The following PPP1R14A variants were observed in gnomAD, a reference collection of about 807,000 sequenced individuals.
The protein encoded by PPP1R14A is protein phosphatase 1 regulatory subunit 14A.
PPP1R14A carries 9 observed loss-of-function variants against 14.1 expected under a neutral mutation model. That is an observed-to-expected ratio of 0.64 (90% CI 0.38 to 1.11). The LOEUF is 1.11. Ranked by LOEUF, PPP1R14A falls within the 50% of genes most tolerant of loss-of-function variation. The pLI is 0.01. For synonymous variants in PPP1R14A, 93 were observed against 88.7 expected (o/e 1.05, Z -0.27); for missense variants, 208 against 200.7 (o/e 1.04, Z -0.22).
rs551172545 is a variant in PPP1R14A, at chr19:38,256,257, C to G, written c.83G>C (p.Gly28Ala). The G allele has an allele frequency of 6.6e-5, 102 of 1,548,200 alleles. No individual in the cohort carries two copies. The East Asian group carries it at 2.4e-3, about 36-fold the overall frequency. Residue 28 changes from glycine (G) to alanine (A), a missense_variant, in exon 1 of 4, where the codon GGG becomes GCG. Gly to Ala is a moderately conservative substitution (Grantham distance 60). Transcript: ENST00000301242. The surrounding 1 kb of genome is among the most constrained non-coding windows in gnomAD (Gnocchi z 5.7). The stretch of plus-strand genomic sequence containing the variant: ...GCGCGCGTGCCGCTTCTGCAGCCCC[C>G]CGGGACTGCCCCCTGGCCCGCGGGC... ...SRARGPGGSP[G>A]GLQKRHARVT...
intron 1 of PPP1R14A, among the ~76,000 whole-genome samples, chr19:38,254,461 T>C (rs546270137): frequency 2.1e-4 from 32 of 151,820 alleles, no homozygotes; most frequent in African/African-American, 7.7e-4. Flanking sequence ...CCTGCCACCA[T>C]GCCCGGCTAA....
chr19:38,251,790 T>C, intron 3 of PPP1R14A: 1 of 372,838 alleles, frequency 2.7e-6, no homozygotes, highest in East Asian at 4.7e-5. Flanking sequence ...AACAGAGACA[T>C]GTGGAGACAG....
At position 38,256,204 on chromosome 19, in the gene PPP1R14A, G is replaced by GC; in HGVS notation, c.135dup (p.Leu46AlafsTer29). ...TTCTCCACGTCCAGCCGCCGCTGCA[G>GC]CTCCCGCCGGTCATACTTGACGGTG... is the stretch of plus-strand genomic sequence containing the variant. On this transcript the variant is annotated frameshift_variant, in exon 1 of 4. Transcript: ENST00000301242. LOFTEE classifies it high-confidence loss of function. This position sits in a 1 kb window ranked among gnomAD's most constrained non-coding sequence, Gnocchi z 5.7. The GC allele has an allele frequency of 6.5e-7, 1 of 1,549,586 alleles. No individual in the cohort carries two copies. Among genetic ancestry groups the GC allele is most frequent in the Non-Finnish European group, 8.7e-7 (1 of 1,151,376 alleles).
Position 38,256,235 on chromosome 19 carries a change from C to G in PPP1R14A, c.105G>C (p.Ala35=). The G allele has an allele frequency of 3.2e-6, 5 of 1,552,208 alleles. No individual in the cohort carries two copies. Among genetic ancestry groups the G allele is most frequent in the Non-Finnish European group, 3.5e-6 (4 of 1,153,398 alleles). The change falls in exon 1 of 4, where the codon GCG becomes GCC. Residue 35 remains alanine (A), a synonymous_variant. Transcript: ENST00000301242. The surrounding 1 kb of genome is among the most constrained non-coding windows in gnomAD (Gnocchi z 5.7). ...GSPGGLQKRH[A]RVTVKYDRRE... ...GCCGGTCATACTTGACGGTGACGCG[C>G]GCGTGCCGCTTCTGCAGCCCCCCGG...
At chr19:38,251,527 G>T in intron 3 of PPP1R14A, 81 bp from the exon 4 acceptor site, 1 of 1,381,818 alleles carries the variant, frequency 7.2e-7, no homozygotes, top group Non-Finnish European at 9.5e-7. Flanking sequence ...TCCCTGACCT[G>T]GGCGCCTCCT....
Position 38,252,992 on chromosome 19 carries a change from G to T in PPP1R14A, c.202-18C>A, listed in dbSNP as rs1968207032. On this transcript the variant is annotated intron_variant, in intron 1 of 3. Transcript: ENST00000301242. The surrounding 1 kb of genome is among the most constrained non-coding windows in gnomAD (Gnocchi z 4.1). ...TCTGCCTCCTAGGGCCAGGGAGGGA[G>T]GGGTGCTTAGGATCCCCTTCCCTCC... is the stretch of plus-strand genomic sequence containing the variant. The T allele has an allele frequency of 6.3e-7, 1 of 1,593,034 alleles. No individual in the cohort carries two copies. The highest frequency in any genetic ancestry group is 1.3e-5 in the African/African-American group (1 of 74,506).
In PPP1R14A at chr19:38,252,889, C is replaced by A. The variant is rs749717320; in HGVS notation, c.282+5G>T. 5.0e-6 allele frequency: 8 copies of A among 1,610,660 alleles called. No individual in the cohort carries two copies. In the Admixed American group the frequency reaches 1.0e-4, roughly 20 times the overall value. On this transcript the variant is annotated splice_donor_5th_base_variant and intron_variant, in intron 2 of 3. Coordinates refer to ENST00000301242, the MANE Select transcript of PPP1R14A (RefSeq NM_033256.3). This position sits in a 1 kb window ranked among gnomAD's most constrained non-coding sequence, Gnocchi z 4.1. The stretch of plus-strand genomic sequence containing the variant: ...GGAGGCTGGGGGACACGTCCCCCCA[C>A]CTACCTGGATTTTCCGGCTTCTCTC...
At chr19:38,253,039 C>G (rs1428995885) in intron 1 of PPP1R14A, 65 bp from the exon 2 acceptor site, 1 of 1,346,376 alleles carries the variant, frequency 7.4e-7, no homozygotes, top group African/African-American at 1.4e-5. Context: ...TTGTCCAGGG[C>G]TCTGCAGGAG....
intron 3 of PPP1R14A, 127 bp from the exon 4 acceptor site, chr19:38,251,573 G>A (rs747102535): frequency 3.1e-6 from 2 of 648,226 alleles, no homozygotes; most frequent in Non-Finnish European, 5.0e-6. Flanking sequence ...GGAGTTAGGG[G>A]CGGAGGCTAT....
At chr19:38,253,145 G>A (rs1968209552) in intron 1 of PPP1R14A, 171 bp from the exon 2 acceptor site, 2 of 601,716 alleles carry the variant, frequency 3.3e-6, no homozygotes, top group Non-Finnish European at 3.0e-6. Flanking sequence ...GTGTTGGGGG[G>A]GAGGGGTGAC....
intron 3 of PPP1R14A, chr19:38,251,842 G>A (rs1328064351): frequency 5.9e-6 from 2 of 338,254 alleles, no homozygotes; most frequent in South Asian, 1.3e-4. Context: ...ATGCAATGAC[G>A]TTTGTCCCTA....
intron 1 of PPP1R14A, chr19:38,253,235 C>T (rs977442809): frequency 2.0e-5 from 9 of 450,128 alleles, no homozygotes; most frequent in Admixed American, 1.2e-4. Flanking sequence ...GGGGCTGGCA[C>T]GGGTCTCTCG....
Position 38,252,208 on chromosome 19 carries a change from G to A in PPP1R14A, c.315+98C>T, listed in dbSNP as rs779675770. ...TTGGGGCCGGGGGTGGTGGGGCCGG[G>A]TGGTGTTCCCCAGAGACCCTTCTGC... On this transcript the variant is annotated intron_variant, in intron 3 of 3. Transcript: ENST00000301242. The surrounding 1 kb of genome is among the most constrained non-coding windows in gnomAD (Gnocchi z 4.1). 1 of 1,217,680 alleles carries A rather than the reference G, an allele frequency of 8.2e-7. No individual in the cohort carries two copies. The highest frequency in any genetic ancestry group is 1.3e-5 in the South Asian group (1 of 77,074). 75.4% of individuals were successfully genotyped at this position (1,217,680 alleles called of 1,614,324 possible).
Position 38,252,881 on chromosome 19 carries a change from TC to T in PPP1R14A, c.282+12del, listed in dbSNP as rs752408410. Reference sequence around the variant, plus strand: ...GCAAAGTGGGAGGCTGGGGGACACGTCCCCCCACCTACCTGGATTTTCCGGC... The same window carrying T: ...GCAAAGTGGGAGGCTGGGGGACACGTCCCCCACCTACCTGGATTTTCCGGC... On this transcript the variant is annotated intron_variant, in intron 2 of 3. Transcript: ENST00000301242. This position sits in a 1 kb window ranked among gnomAD's most constrained non-coding sequence, Gnocchi z 4.1. 3 of 1,590,856 alleles carry T rather than the reference TC, an allele frequency of 1.9e-6. No individual in the cohort carries two copies. The highest frequency in any genetic ancestry group is 2.6e-6 in the Non-Finnish European group (3 of 1,158,942).
At position 38,256,221 on chromosome 19, in the gene PPP1R14A, T is replaced by C. The variant is rs35721010; in HGVS notation, c.119A>G (p.Lys40Arg). The C allele has an allele frequency of 9.6e-4, 1,496 of 1,555,284 alleles. 23 individuals are homozygous for C. In the South Asian group the frequency reaches 0.013, roughly 14 times the overall value. ...LQKRHARVTVKYDRRELQRRL... is the reference protein window; with the variant it reads ...LQKRHARVTVRYDRRELQRRL... ...CCGCTGCAGCTCCCGCCGGTCATACTTGACGGTGACGCGCGCGTGCCGCTT... is the reference window on the plus strand; with the variant it reads ...CCGCTGCAGCTCCCGCCGGTCATACCTGACGGTGACGCGCGCGTGCCGCTT... Residue 40 changes from lysine (K) to arginine (R), a missense_variant, in exon 1 of 4, where the codon AAG becomes AGG. Lys to Arg is a conservative substitution (Grantham distance 26, BLOSUM62 2). Coordinates refer to ENST00000301242, the MANE Select transcript of PPP1R14A (RefSeq NM_033256.3). The surrounding 1 kb of genome is among the most constrained non-coding windows in gnomAD (Gnocchi z 5.7).
intron 1 of PPP1R14A, among the ~76,000 whole-genome samples, chr19:38,255,766 G>C (rs1233791740): frequency 6.6e-6 from 1 of 152,006 alleles, no homozygotes; most frequent in Non-Finnish European, 1.5e-5. Flanking sequence ...CTGTGTGGCT[G>C]TATCTCCCCT....
At chr19:38,255,336 C>G (rs1394670147) in intron 1 of PPP1R14A, among the ~76,000 whole-genome samples, 1 of 152,152 alleles carries the variant, frequency 6.6e-6, no homozygotes, top group Non-Finnish European at 1.5e-5. Context: ...CCCATGTTGC[C>G]CAGGCTGGTG....
chr19:38,255,806 AC>A (rs1302960433), intron 1 of PPP1R14A, among the ~76,000 whole-genome samples: 1 of 148,856 alleles, frequency 6.7e-6, no homozygotes, highest in Admixed American at 6.7e-5. Context: ...GCTTTATGAC[AC>A]CCCCCTTCCC....
chr19:38,252,631 G>A lies in PPP1R14A; in HGVS notation c.282+263C>T, dbSNP rs970577462. On this transcript the variant is annotated intron_variant, in intron 2 of 3. Coordinates refer to ENST00000301242, the MANE Select transcript of PPP1R14A (RefSeq NM_033256.3). This position sits in a 1 kb window ranked among gnomAD's most constrained non-coding sequence, Gnocchi z 4.1. The stretch of plus-strand genomic sequence containing the variant: ...CATGGCTGCCAAACTGCCTGGGTTC[G>A]ATGCCCAGCTCTGCTCCTTCTGAGC... Among the ~76,000 whole-genome samples, 3 of 152,104 alleles carry A rather than the reference G, an allele frequency of 2.0e-5. No homozygotes were observed. Among genetic ancestry groups the A allele is most frequent in the Non-Finnish European group, 4.4e-5 (3 of 68,028 alleles).
Sources: allele counts gnomAD v4.1 joint callset (sites outside exome capture counted in the v4.1 genomes callset), GRCh38; gene constraint gnomAD v4.1.1; non-coding constraint Gnocchi (gnomAD v3.1); transcripts MANE v1.5; gene names NCBI Gene and HGNC (gene_info 2026-07-23, HGNC 2026-07-21).